CHODL: variants seen among roughly 807,000 people sequenced by gnomAD.
The protein encoded by CHODL is chondrolectin, also known as transmembrane protein MT75.
CHODL carries 29 observed loss-of-function variants against 34.5 expected under a neutral mutation model. The ratio of observed to expected loss-of-function variants is 0.84; its 90% CI spans 0.63 to 1.15. The LOEUF (loss-of-function observed/expected upper bound fraction) is 1.15, where lower values mean the gene tolerates loss of function less well. CHODL is among the 50% of genes most tolerant of loss of function. The pLI, the probability that CHODL is intolerant of heterozygous loss-of-function variation, is 0.00. For missense variants in CHODL, 332 were observed against 332.5 expected (o/e 1.00, Z 0.01); for synonymous variants, 125 against 116.1 (o/e 1.08, Z -0.49).
chr21:17,971,075 A>T (rs1340238679), intron 1 of CHODL, among the ~76,000 whole-genome samples: 1 of 152,158 alleles, frequency 6.6e-6, no homozygotes, highest in Non-Finnish European at 1.5e-5. Flanking sequence ...ATCATTTTTT[A>T]TGGCTACATA....
At chr21:18,252,207 G>A (rs1293999530) in intron 1 of CHODL, among the ~76,000 whole-genome samples, 1 of 151,982 alleles carries the variant, frequency 6.6e-6, no homozygotes, top group Non-Finnish European at 1.5e-5. Context: ...ATAGTTCGAC[G>A]GCATAAATGT....
intron 1 of CHODL, among the ~76,000 whole-genome samples, chr21:17,959,272 G>A (rs2063514955): frequency 6.6e-6 from 1 of 152,084 alleles, no homozygotes; most frequent in South Asian, 2.1e-4. Flanking sequence ...AAATAACATG[G>A]TAATGAATCC....
At chr21:18,192,950 A>C (rs908170002) in intron 2 of CHODL, among the ~76,000 whole-genome samples, 2 of 152,198 alleles carry the variant, frequency 1.3e-5, no homozygotes, top group Non-Finnish European at 1.5e-5. Flanking sequence ...CATTAACTTT[A>C]AAGCTATTTA....
chr21:18,177,880 C>T (rs1001914957), intron 2 of CHODL, among the ~76,000 whole-genome samples: 2 of 151,230 alleles, frequency 1.3e-5, no homozygotes, highest in Non-Finnish European at 2.9e-5. Flanking sequence ...TGAGTTTATT[C>T]AACTGGTTTA....
intron 1 of CHODL, among the ~76,000 whole-genome samples, chr21:17,921,675 G>A (rs947635975): frequency 6.6e-6 from 1 of 152,184 alleles, no homozygotes; most frequent in Admixed American, 6.5e-5. Context: ...GGGACTTAGG[G>A]GTTGTTTATT....
intron 2 of CHODL, among the ~76,000 whole-genome samples, chr21:18,110,344 TCTC>T (rs1445234766): frequency 3.3e-5 from 5 of 152,176 alleles, no homozygotes; most frequent in Admixed American, 1.3e-4. Context: ...CACTTTTCCT[TCTC>T]CTTGATTCTG....
At chr21:18,076,515 T>G (rs2064868636) in intron 2 of CHODL, among the ~76,000 whole-genome samples, 1 of 152,148 alleles carries the variant, frequency 6.6e-6, no homozygotes, top group African/African-American at 2.4e-5. Flanking sequence ...AGAAAAATGA[T>G]TTAAAGATGA....
intron 1 of CHODL, among the ~76,000 whole-genome samples, chr21:17,979,076 C>T (rs531531182): frequency 6.6e-6 from 1 of 152,236 alleles, no homozygotes; most frequent in South Asian, 2.1e-4. Context: ...GGATTGGGCC[C>T]ATCTGGATAA....
intron 1 of CHODL, among the ~76,000 whole-genome samples, chr21:17,974,470 C>T (rs967520619): frequency 1.1e-4 from 16 of 152,024 alleles, no homozygotes; most frequent in African/African-American, 3.6e-4. Context: ...ATGGGTTTCA[C>T]TATGTTGGCC....
chr21:18,216,492 T>A (rs1230855193), intron 2 of CHODL, among the ~76,000 whole-genome samples: 1 of 151,954 alleles, frequency 6.6e-6, no homozygotes, highest in Non-Finnish European at 1.5e-5. Context: ...TTCTAGGAGA[T>A]TCATTTTTTT....
intron 2 of CHODL, among the ~76,000 whole-genome samples, chr21:18,143,927 T>C (rs1351938821): frequency 1.3e-5 from 2 of 152,104 alleles, no homozygotes; most frequent in Admixed American, 6.6e-5. Context: ...CCTTCTACAT[T>C]GGGGTACTAT....
rs1378017219 is a variant in CHODL at position 17,992,715 on chromosome 21, GTTGTTTTTT to G, written c.-144-35154_-144-35146del. Among the ~76,000 whole-genome samples, 82 of 31,510 alleles carry G rather than the reference GTTGTTTTTT, an allele frequency of 2.6e-3. 1 individual carries two copies. The highest frequency in any genetic ancestry group is 5.8e-3 in the African/African-American group (73 of 12,530). The allele number at this position is 31,510 out of a possible 152,430, so 20.7% of individuals were successfully genotyped here. A position where few individuals can be genotyped will look rare whatever the true frequency, so the allele number is the denominator to read the frequency against. On this transcript the variant is annotated intron_variant, in intron 1 of 6. Coordinates refer to the CHODL transcript ENST00000400127. ...ATCAGTTCTCAGAGTTTCTGGTGGA[GTTGTTTTTT>G]TTTTTTTTTTTTTTTTTTTCCAGAC...
At chr21:18,156,280 A>C (rs540176447) in intron 2 of CHODL, among the ~76,000 whole-genome samples, 2 of 152,196 alleles carry the variant, frequency 1.3e-5, no homozygotes, top group Non-Finnish European at 2.9e-5. Flanking sequence ...CAGATTCAGG[A>C]TTTAAAAGTT....
intron 1 of CHODL, among the ~76,000 whole-genome samples, chr21:17,960,435 C>G (rs1436110381): frequency 1.3e-5 from 2 of 152,144 alleles, no homozygotes; most frequent in Non-Finnish European, 2.9e-5. Flanking sequence ...TGTTGAGCAC[C>G]CTGGCCAAAT....
At chr21:18,234,539 C>T (rs1187891475) in intron 2 of CHODL, among the ~76,000 whole-genome samples, 1 of 151,974 alleles carries the variant, frequency 6.6e-6, no homozygotes, top group Non-Finnish European at 1.5e-5. Flanking sequence ...AGAAATGGTT[C>T]TTTGTAACAT....
chr21:18,213,099 G>C (rs1299132817), intron 2 of CHODL, among the ~76,000 whole-genome samples: 1 of 152,084 alleles, frequency 6.6e-6, no homozygotes, highest in East Asian at 1.9e-4. Context: ...TCTGACATAT[G>C]AACAATTCTT....
At chr21:18,017,550 T>G (rs1215197168) in intron 1 of CHODL, among the ~76,000 whole-genome samples, 1 of 152,234 alleles carries the variant, frequency 6.6e-6, no homozygotes. Context: ...GTGTTAAGCC[T>G]GTAAGCATGC....
At chr21:18,228,059 A>G (rs938424900) in intron 2 of CHODL, among the ~76,000 whole-genome samples, 2 of 152,150 alleles carry the variant, frequency 1.3e-5, no homozygotes, top group Non-Finnish European at 2.9e-5. Flanking sequence ...CATTTGTGTG[A>G]TACTGCCATT....
At chr21:18,126,573 C>T (rs2065547156) in intron 2 of CHODL, among the ~76,000 whole-genome samples, 1 of 151,708 alleles carries the variant, frequency 6.6e-6, no homozygotes, top group Admixed American at 6.6e-5. Flanking sequence ...TCTTCTAATC[C>T]ATGAACACGG....
Sources: gnomAD v4.1 joint callset for allele counts (sites outside exome capture counted in the v4.1 genomes callset) on GRCh38, gnomAD v4.1.1 for gene constraint, MANE v1.5 for transcripts, NCBI Gene and HGNC (gene_info 2026-07-23, HGNC 2026-07-21) for gene names.